RARB: variants seen among roughly 807,000 people sequenced by gnomAD.
RARB encodes retinoic acid receptor beta.
In RARB, 17 loss-of-function variants were observed where a neutral mutation model predicts 51.9. That is an observed-to-expected ratio of 0.33 (90% CI 0.22 to 0.49). The LOEUF is 0.49. RARB is among the 20% of genes least tolerant of loss of function. RARB has a pLI of 0.99. For missense variants in RARB, 369 were observed against 550.8 expected, an observed-to-expected ratio of 0.67 and a Z score of 3.30; for synonymous variants, 215 against 195.4, an observed-to-expected ratio of 1.10 and a Z score of -0.84.
At chr3:25,204,979 G>A (rs1701499513) in intron 5 of RARB, among the ~76,000 whole-genome samples, 2 of 152,204 alleles carry the variant, frequency 1.3e-5, no homozygotes, top group African/African-American at 2.4e-5. Flanking sequence ...TAAGTCTGCA[G>A]AGGTTTCTGC....
chr3:24,997,572 T>G, intron 2 of RARB, among the ~76,000 whole-genome samples: 1 of 151,970 alleles, frequency 6.6e-6, no homozygotes, highest in South Asian at 2.1e-4. Flanking sequence ...GTTATAAGGG[T>G]TGAGGTTTCA....
At chr3:25,209,640 A>C (rs1701643424) in intron 5 of RARB, among the ~76,000 whole-genome samples, 2 of 152,208 alleles carry the variant, frequency 1.3e-5, no homozygotes, top group Admixed American at 1.3e-4. Flanking sequence ...TGCTGGGTGC[A>C]ACATGCACGG....
intron 4 of RARB, among the ~76,000 whole-genome samples, chr3:25,162,105 T>G (rs1700482613): frequency 6.6e-6 from 1 of 152,122 alleles, no homozygotes; most frequent in Admixed American, 6.6e-5. Flanking sequence ...CCTATTTCTT[T>G]TTTAAGTTTA....
At chr3:25,037,814 G>A (rs1020537396) in intron 2 of RARB, among the ~76,000 whole-genome samples, 6 of 152,094 alleles carry the variant, frequency 3.9e-5, no homozygotes, top group African/African-American at 1.4e-4. Flanking sequence ...GGAAGTACAA[G>A]GTGTCCTTTG....
chr3:25,561,266 T>G lies in RARB; in HGVS notation c.449-8492T>G, dbSNP rs187240969. 4.4e-3 allele frequency among the ~76,000 whole-genome samples: 665 copies of G among 151,858 alleles called. 3 individuals are homozygous for G. Among genetic ancestry groups the G allele is most frequent in the Non-Finnish European group, 7.1e-3 (486 of 68,028 alleles). On this transcript the variant is annotated intron_variant, in intron 3 of 7. Coordinates refer to ENST00000330688, the MANE Select transcript of RARB (RefSeq NM_000965.5). ...GTGGTAGGAATGACCAATTGTTTTC[T>G]TTCTTGCCTCAAATGCTGAATAGAG...
chr3:25,200,213 T>A (rs1311254841), intron 5 of RARB, among the ~76,000 whole-genome samples: 1 of 152,226 alleles, frequency 6.6e-6, no homozygotes, highest in Non-Finnish European at 1.5e-5. Flanking sequence ...TGAGCATTGT[T>A]TCTTGTGTCT....
chr3:25,215,222 C>G (rs553405304), intron 5 of RARB, among the ~76,000 whole-genome samples: 33 of 152,278 alleles, frequency 2.2e-4, no homozygotes, highest in African/African-American at 7.9e-4. Context: ...CCAGGTGGTT[C>G]TCTGTAGCCA....
chr3:25,073,827 G>C (rs1698818264), intron 3 of RARB, among the ~76,000 whole-genome samples: 1 of 148,034 alleles, frequency 6.8e-6, no homozygotes, highest in African/African-American at 2.6e-5. Context: ...GGAAACAATA[G>C]TGACTTTTTT....
intron 4 of RARB, among the ~76,000 whole-genome samples, chr3:25,163,329 C>T (rs1335560805): frequency 6.6e-6 from 1 of 151,770 alleles, no homozygotes; most frequent in African/African-American, 2.4e-5. Flanking sequence ...CATAGGGAAA[C>T]CCTGTCTCTA....
At chr3:25,108,210 A>G (rs1011487505) in intron 3 of RARB, among the ~76,000 whole-genome samples, 6 of 152,188 alleles carry the variant, frequency 3.9e-5, no homozygotes, top group Admixed American at 1.3e-4. Flanking sequence ...GGAATTTTTC[A>G]TTTAACATTT....
rs528136290 is a variant in RARB at position 25,511,928 on chromosome 3, T to C, written c.448+10605T>C. ...GATTTTAAGCATCCGGGGGAACTGA[T>C]GGAGGGATGCAGTATGCTGCTTAAA... On this transcript the variant is annotated intron_variant, in intron 3 of 7. Coordinates refer to ENST00000330688, the MANE Select transcript of RARB (RefSeq NM_000965.5). 3.3e-5 allele frequency among the ~76,000 whole-genome samples: 5 copies of C among 152,300 alleles called. No homozygotes were observed. The South Asian group carries it at 1.0e-3, about 32-fold the overall frequency.
chr3:25,563,057 G>T (rs1289831637), intron 3 of RARB, among the ~76,000 whole-genome samples: 1 of 152,186 alleles, frequency 6.6e-6, no homozygotes, highest in Non-Finnish European at 1.5e-5. Flanking sequence ...GCTGTGTCCA[G>T]ACTAATTTCC....
At chr3:24,837,983 G>A (rs1275904061) in intron 1 of RARB, among the ~76,000 whole-genome samples, 2 of 152,134 alleles carry the variant, frequency 1.3e-5, no homozygotes, top group African/African-American at 4.8e-5. Flanking sequence ...AAAAATCAAG[G>A]CATCAGCTAC....
chr3:24,920,704 C>T (rs546365335), intron 2 of RARB, among the ~76,000 whole-genome samples: 11 of 152,216 alleles, frequency 7.2e-5, no homozygotes, highest in Middle Eastern at 3.4e-3. Flanking sequence ...CTGGTTATGC[C>T]ACGATGGCTT....
At chr3:25,168,715 G>A (rs1376168263) in intron 4 of RARB, among the ~76,000 whole-genome samples, 1 of 152,210 alleles carries the variant, frequency 6.6e-6, no homozygotes, top group African/African-American at 2.4e-5. Context: ...ACGAATGGAT[G>A]AAGAAGCGGA....
intron 5 of RARB, among the ~76,000 whole-genome samples, chr3:25,322,799 C>G (rs1704610177): frequency 6.6e-6 from 1 of 152,170 alleles, no homozygotes; most frequent in Non-Finnish European, 1.5e-5. Context: ...CACATAAGCA[C>G]AGATACCCAA....
At chr3:25,469,657 TCAGA>T (rs752553865) in intron 2 of RARB, among the ~76,000 whole-genome samples, 43 of 152,232 alleles carry the variant, frequency 2.8e-4, no homozygotes, top group Non-Finnish European at 4.4e-4. Flanking sequence ...CATTCATTCA[TCAGA>T]CATTTATTAA....
chr3:25,186,206 C>T (rs1371611863), intron 5 of RARB, among the ~76,000 whole-genome samples: 1 of 151,956 alleles, frequency 6.6e-6, no homozygotes, highest in Non-Finnish European at 1.5e-5. Flanking sequence ...CCATATCAAC[C>T]TCATATTGGT....
intron 3 of RARB, among the ~76,000 whole-genome samples, chr3:25,557,496 G>A (rs767476510): frequency 1.3e-5 from 2 of 152,072 alleles, no homozygotes; most frequent in South Asian, 2.1e-4. Context: ...CCACTTGGGT[G>A]GCACATGGGC....
Sources: allele counts gnomAD v4.1 joint callset (sites outside exome capture counted in the v4.1 genomes callset), GRCh38; gene constraint gnomAD v4.1.1; transcripts MANE v1.5; gene names NCBI Gene and HGNC (gene_info 2026-07-23, HGNC 2026-07-21).